Variants in CSN3 observed in about 807,000 individuals in gnomAD.
CSN3 encodes the protein kappa-casein.
A neutral mutation model predicts 9.9 loss-of-function variants in CSN3; 7 were observed. The observed-to-expected ratio is 0.71, with a 90% confidence interval of 0.40 to 1.33. The LOEUF (loss-of-function observed/expected upper bound fraction) is 1.33. CSN3 is among the 40% of genes most tolerant of loss of function. The probability of loss-of-function intolerance (pLI) is 0.01; values close to 1 mark genes in which losing one functional copy is unlikely to be tolerated. For missense variants in CSN3, 253 were observed against 227.9 expected (o/e 1.11, Z -0.71); for synonymous variants, 88 against 82.3 (o/e 1.07, Z -0.37).
upstream of CSN3, among the ~76,000 whole-genome samples, chr4:70,242,218 G>T (rs888456624): frequency 3.3e-5 from 5 of 151,442 alleles, no homozygotes; most frequent in African/African-American, 9.7e-5. Flanking sequence ...TATTTAAAAA[G>T]ATATGAATAC....
At chr4:70,243,781 T>C (rs992583734) in intron 1 of CSN3, among the ~76,000 whole-genome samples, 4 of 152,088 alleles carry the variant, frequency 2.6e-5, no homozygotes, top group African/African-American at 7.2e-5. Context: ...TATGACACTG[T>C]ATATACTCTT....
upstream of CSN3, among the ~76,000 whole-genome samples, chr4:70,241,805 G>T (rs1239409760): frequency 6.6e-6 from 1 of 151,812 alleles, no homozygotes; most frequent in East Asian, 1.9e-4. Flanking sequence ...TTCATAAGAG[G>T]ATAATAAATC....
chr4:70,243,005 G>A (rs936256656), intron 1 of CSN3, among the ~76,000 whole-genome samples: 4 of 152,066 alleles, frequency 2.6e-5, no homozygotes, highest in South Asian at 2.1e-4. Context: ...GATAATAATC[G>A]CAATTAACCC....
intron 4 of CSN3, among the ~76,000 whole-genome samples, chr4:70,250,636 T>A (rs1730464438): frequency 6.6e-6 from 1 of 152,132 alleles, no homozygotes; most frequent in Non-Finnish European, 1.5e-5. Context: ...ATTCCCATAG[T>A]AACCATATGA....
chr4:70,238,496 C>A (rs1173533525), upstream of CSN3, among the ~76,000 whole-genome samples: 1 of 151,744 alleles, frequency 6.6e-6, no homozygotes, highest in Admixed American at 6.6e-5. Flanking sequence ...TAGAAACAGT[C>A]CCTAGCAAAA....
chr4:70,249,694 T>G (rs903982544), intron 4 of CSN3, among the ~76,000 whole-genome samples: 2 of 152,202 alleles, frequency 1.3e-5, no homozygotes, highest in African/African-American at 4.8e-5. Flanking sequence ...TAAAATAATT[T>G]TATTTGACAA....
upstream of CSN3, among the ~76,000 whole-genome samples, chr4:70,242,164 A>G (rs1169753056): frequency 1.5e-5 from 2 of 134,222 alleles, no homozygotes; most frequent in African/African-American, 5.9e-5. Flanking sequence ...TACAATTAAT[A>G]TTTTTAAAAA....
upstream of CSN3, among the ~76,000 whole-genome samples, chr4:70,241,852 G>A (rs1730276853): frequency 6.6e-6 from 1 of 151,954 alleles, no homozygotes; most frequent in Non-Finnish European, 1.5e-5. Flanking sequence ...GAGAAAATGT[G>A]CTGCAGCCCA....
chr4:70,247,759 G>GT lies in CSN3; in HGVS notation c.55-58dup. The GT allele has an allele frequency of 3.0e-6, 4 of 1,348,242 alleles. No homozygotes were observed. The South Asian group carries it at 5.3e-5, about 18-fold the overall frequency. 83.5% of individuals were successfully genotyped at this position (1,348,242 alleles called of 1,614,324 possible). The stretch of plus-strand genomic sequence containing the variant: ...CAAAAGATTTTTTTAACTGATTTAA[G>GT]TACTTTTTTTTTCTTTTTTAACTTA... On this transcript the variant is annotated intron_variant, in intron 2 of 4. Transcript: ENST00000304954.
chr4:70,249,074 A>C (rs1175287921), exon 4 of CSN3: 1 of 1,613,814 alleles, frequency 6.2e-7, no homozygotes, highest in East Asian at 2.2e-5. Flanking sequence ...CCAAATAGCT[A>C]TCCTTATTAT....
intron 3 of CSN3, 53 bp downstream of exon 3, chr4:70,247,903 T>C (rs1198272040): frequency 7.2e-7 from 1 of 1,388,788 alleles, no homozygotes; most frequent in Admixed American, 2.2e-5. Flanking sequence ...AAATATATTC[T>C]GCAAAGGTCA....
intron 3 of CSN3, among the ~76,000 whole-genome samples, 178 bp from the exon 4 acceptor site, chr4:70,248,820 A>C (rs1730426941): frequency 6.6e-6 from 1 of 151,968 alleles, no homozygotes. Context: ...TGAAAATCAT[A>C]AAGTGGAAAG....
At chr4:70,243,109 G>A in intron 1 of CSN3, 3 of 648,112 alleles carry the variant, frequency 4.6e-6, no homozygotes, top group Non-Finnish European at 5.7e-6. Flanking sequence ...AAATATTCAT[G>A]AAAGCTGGAT....
chr4:70,247,944 C>A, intron 3 of CSN3, 94 bp downstream of exon 3: 2 of 812,036 alleles, frequency 2.5e-6, no homozygotes, highest in South Asian at 2.3e-5. Context: ...TGTCTAAAAC[C>A]TAAATATTTC....
upstream of CSN3, among the ~76,000 whole-genome samples, chr4:70,241,069 C>T (rs148842389): frequency 2.4e-4 from 36 of 151,996 alleles, no homozygotes; most frequent in African/African-American, 8.2e-4. Context: ...ATTCAATACT[C>T]AACTGAAAAT....
chr4:70,239,985 G>A (rs557825321), upstream of CSN3, among the ~76,000 whole-genome samples: 2 of 151,884 alleles, frequency 1.3e-5, no homozygotes, highest in East Asian at 3.9e-4. Flanking sequence ...CATTTACTTT[G>A]CAACTACTGT....
chr4:70,243,188 G>T, intron 1 of CSN3: 2 of 971,614 alleles, frequency 2.1e-6, no homozygotes, highest in Non-Finnish European at 2.4e-6. Flanking sequence ...TAGCTGATGC[G>T]CAAAGTATGG....
At chr4:70,247,202 TA>T (rs1247981468) in intron 2 of CSN3, among the ~76,000 whole-genome samples, 2 of 152,128 alleles carry the variant, frequency 1.3e-5, no homozygotes, top group Non-Finnish European at 2.9e-5. Context: ...CAAAAGTTTC[TA>T]AAAGCTTTGG....
At chr4:70,250,346 G>C (rs1399826895) in intron 4 of CSN3, among the ~76,000 whole-genome samples, 2 of 152,098 alleles carry the variant, frequency 1.3e-5, no homozygotes, top group Non-Finnish European at 2.9e-5. Context: ...TAAAATACCA[G>C]ACAATGGTCT....
Sources: allele counts gnomAD v4.1 joint callset (sites outside exome capture counted in the v4.1 genomes callset), GRCh38; gene constraint gnomAD v4.1.1; transcripts MANE v1.5; gene names NCBI Gene and HGNC (gene_info 2026-07-23, HGNC 2026-07-21).